Variants in POLD3 observed in about 807,000 individuals in gnomAD.
POLD3 encodes the protein DNA polymerase delta subunit 3.
POLD3 carries 19 observed loss-of-function variants against 58.2 expected under a neutral mutation model. That is an observed-to-expected ratio of 0.33 (90% CI 0.23 to 0.48). The LOEUF (loss-of-function observed/expected upper bound fraction) is 0.48. Ranked by LOEUF, POLD3 falls within the 20% of genes least tolerant of loss-of-function variation. POLD3 has a pLI of 0.99. For synonymous variants in POLD3, 172 were observed against 193.5 expected (o/e 0.89, Z 0.92); for missense variants, 504 against 545.5 (o/e 0.92, Z 0.76).
At chr11:74,622,193 C>T (rs2135154504) in intron 7 of POLD3, among the ~76,000 whole-genome samples, 1 of 152,226 alleles carries the variant, frequency 6.6e-6, no homozygotes, top group Admixed American at 6.5e-5. Context: ...CTACAAAGGA[C>T]ATGAACTCAT....
chr11:74,610,738 G>T (rs1302186113), intron 3 of POLD3, among the ~76,000 whole-genome samples: 1 of 151,820 alleles, frequency 6.6e-6, no homozygotes, highest in Admixed American at 6.6e-5. Context: ...CTTATAGCAG[G>T]TTATAGAATT....
intron 7 of POLD3, among the ~76,000 whole-genome samples, chr11:74,620,438 G>C (rs756541393): frequency 9.2e-5 from 14 of 152,138 alleles, no homozygotes; most frequent in Non-Finnish European, 1.6e-4. Flanking sequence ...GGTTAATAAC[G>C]TGGATGCTAG....
At chr11:74,602,694 C>G (rs2031543893) in intron 2 of POLD3, among the ~76,000 whole-genome samples, 3 of 152,238 alleles carry the variant, frequency 2.0e-5, no homozygotes, top group Admixed American at 2.0e-4. Flanking sequence ...GGTGAGATCA[C>G]ATTACCTCTG....
intron 11 of POLD3, among the ~76,000 whole-genome samples, chr11:74,637,413 G>GT (rs541119365): frequency 3.8e-4 from 46 of 120,450 alleles, no homozygotes; most frequent in Admixed American, 5.9e-4. Flanking sequence ...CTTTGAATGG[G>GT]TTTTTTTTTT....
intron 2 of POLD3, among the ~76,000 whole-genome samples, chr11:74,604,014 G>T (rs2031590601): frequency 6.6e-6 from 1 of 152,166 alleles, no homozygotes; most frequent in South Asian, 2.1e-4. Flanking sequence ...GAATTATTCT[G>T]AATACTGGGC....
chr11:74,618,808 A>G lies in POLD3; in HGVS notation c.660+4A>G, dbSNP rs2135149162. The G allele has an allele frequency of 2.5e-6, 4 of 1,607,738 alleles. No homozygotes were observed. The highest frequency in any genetic ancestry group is 3.4e-6 in the Non-Finnish European group (4 of 1,175,198). ...AGAGGCTAAAGAAGTAACAAATGTA[A>G]GTCTTCTTTGAAGATACCCCTTCAT... On this transcript the variant is annotated splice_donor_region_variant and intron_variant, in intron 6 of 11. Transcript: ENST00000263681.
intron 2 of POLD3, among the ~76,000 whole-genome samples, chr11:74,604,322 A>G (rs530505792): frequency 1.3e-5 from 2 of 152,360 alleles, no homozygotes; most frequent in African/African-American, 4.8e-5. Flanking sequence ...TAAGAGGCCT[A>G]GACAAATTAA....
At chr11:74,644,285 G>A (rs894832729), downstream of POLD3, among the ~76,000 whole-genome samples, 4 of 152,220 alleles carry the variant, frequency 2.6e-5, no homozygotes, top group Admixed American at 2.0e-4. Context: ...GTCAAGACTC[G>A]TTTTGGTAAA....
intron 2 of POLD3, 79 bp from the exon 3 acceptor site, chr11:74,604,606 ATTTATCT>A: frequency 1.3e-6 from 1 of 768,498 alleles, no homozygotes; most frequent in South Asian, 1.6e-5. Flanking sequence ...ACCAGATTTC[ATTTATCT>A]TTTAAGTCAT....
At chr11:74,659,675 A>G (rs1263951789) in intron 4 of POLD3, among the ~76,000 whole-genome samples, 1 of 143,486 alleles carries the variant, frequency 7.0e-6, no homozygotes, top group Non-Finnish European at 1.5e-5. Flanking sequence ...GCACAGGCAA[A>G]ATGCCACCAG....
At chr11:74,667,593 T>TAAAAAAAAAAAA (rs1565137722) in intron 4 of POLD3, among the ~76,000 whole-genome samples, 1 of 151,086 alleles carries the variant, frequency 6.6e-6, no homozygotes, top group African/African-American at 2.5e-5. Flanking sequence ...AAATAAAATT[T>TAAAAAAAAAAAA]AAAAATTTAG....
chr11:74,597,189 T>C (rs2031292806), intron 2 of POLD3, among the ~76,000 whole-genome samples: 1 of 152,236 alleles, frequency 6.6e-6, no homozygotes, highest in African/African-American at 2.4e-5. Context: ...ACATAATGGC[T>C]GTATTAATTT....
rs1044186824 is a variant in POLD3, at chr11:74,640,553, C to T, written c.1199-11C>T. The T allele has an allele frequency of 6.8e-7, 1 of 1,479,116 alleles. No individual in the cohort carries two copies. Among genetic ancestry groups the T allele is most frequent in the Non-Finnish European group, 9.0e-7 (1 of 1,114,106 alleles). The allele number at this position is 1,479,116 out of a possible 1,614,324, so 91.6% of individuals were successfully genotyped here. A position where few individuals can be genotyped will look rare whatever the true frequency, so the allele number is the denominator to read the frequency against. On this transcript the variant is annotated splice_polypyrimidine_tract_variant and intron_variant, in intron 11 of 11. Coordinates refer to ENST00000263681, the MANE Select transcript of POLD3 (RefSeq NM_006591.3). ...GCCCACCCATGTTCCATTTTTTTCT[C>T]ATCCTACCAGTGACTGAAAAAGTCT...
chr11:74,625,709 CA>C, intron 8 of POLD3, 136 bp downstream of exon 8: 1 of 618,312 alleles, frequency 1.6e-6, no homozygotes, highest in East Asian at 2.9e-5. Flanking sequence ...ACTATACAAC[CA>C]AAATGGAAAG....
intron 9 of POLD3, among the ~76,000 whole-genome samples, chr11:74,629,588 T>TTTC (rs2032532077): frequency 6.8e-6 from 1 of 147,738 alleles, no homozygotes; most frequent in South Asian, 2.1e-4. Context: ...TTTCTTTTCT[T>TTTC]TTTTTTTTTT....
chr11:74,653,333 A>ACACACACACACACAGG (rs58331480), intron 4 of POLD3, among the ~76,000 whole-genome samples: 13 of 151,812 alleles, frequency 8.6e-5, no homozygotes, highest in Admixed American at 5.2e-4. Context: ...ACACACACAC[A>ACACACACACACACAGG]TAGTGTGGTC....
At position 74,625,561 on chromosome 11, in the gene POLD3, AGG is replaced by A; in HGVS notation, c.888_889del (p.Glu297LysfsTer11). ...GCAGAGCCTGTTAAGGTGCTGCAGA[AGG>A]AAAAAAAAAGGTAGGAAAATTTTGT... On this transcript the variant is annotated frameshift_variant, in exon 8 of 12. Coordinates refer to ENST00000263681, the MANE Select transcript of POLD3 (RefSeq NM_006591.3). LOFTEE classifies it high-confidence loss of function. 1.3e-6 allele frequency: 2 copies of A among 1,599,328 alleles called. No homozygotes were observed. Among genetic ancestry groups the A allele is most frequent in the Admixed American group, 1.8e-5 (1 of 55,580 alleles).
chr11:74,604,061 C>T (rs192934218), intron 2 of POLD3, among the ~76,000 whole-genome samples: 5 of 152,218 alleles, frequency 3.3e-5, no homozygotes, highest in African/African-American at 9.6e-5. Flanking sequence ...AATTCTGAAC[C>T]GGCATTAAAT....
At chr11:74,619,366 C>A (rs112974965) in intron 6 of POLD3, among the ~76,000 whole-genome samples, 11 of 151,962 alleles carry the variant, frequency 7.2e-5, no homozygotes, top group African/African-American at 2.7e-4. Context: ...ATTGTTGTTA[C>A]TATTATTATT....
Sources: gnomAD v4.1 joint callset for allele counts (sites outside exome capture counted in the v4.1 genomes callset) on GRCh38, gnomAD v4.1.1 for gene constraint, MANE v1.5 for transcripts, NCBI Gene and HGNC (gene_info 2026-07-23, HGNC 2026-07-21) for gene names.